DPP10: variants seen among roughly 807,000 people sequenced by gnomAD.
DPP10 encodes inactive dipeptidyl peptidase 10.
In DPP10, 33 loss-of-function variants were observed where a neutral mutation model predicts 120.9. The observed-to-expected ratio is 0.27, with a 90% CI of 0.21 to 0.37. DPP10 has a LOEUF of 0.37. DPP10 is among the 10% of genes least tolerant of loss of function. DPP10 has a pLI of 1.00. For missense variants in DPP10, 816 were observed against 942.8 expected, an observed-to-expected ratio of 0.87 and a Z score of 1.76; for synonymous variants, 337 against 326.1, an observed-to-expected ratio of 1.03 and a Z score of -0.36.
intron 1 of DPP10, among the ~76,000 whole-genome samples, chr2:114,960,366 G>GTA (rs149462158): frequency 0.27 from 38,102 of 143,550 alleles, 4,951 homozygotes; most frequent in East Asian, 0.34. Flanking sequence ...GTGTATGTGC[G>GTA]TATATATATA....
intron 5 of DPP10, among the ~76,000 whole-genome samples, chr2:115,651,548 G>A (rs897476029): frequency 6.6e-6 from 1 of 152,036 alleles, no homozygotes; most frequent in African/African-American, 2.4e-5. Context: ...CTAATCATTA[G>A]GAATGGCTTA....
chr2:115,395,369 G>C (rs779686917), intron 3 of DPP10, among the ~76,000 whole-genome samples: 9 of 152,132 alleles, frequency 5.9e-5, no homozygotes, highest in Non-Finnish European at 1.3e-4. Flanking sequence ...TCTCTTTAAA[G>C]ATTCTGTCTC....
chr2:114,731,158 G>A (rs571044399), intron 1 of DPP10, among the ~76,000 whole-genome samples: 27 of 151,588 alleles, frequency 1.8e-4, no homozygotes, highest in African/African-American at 6.5e-4. Context: ...ACTCCTGGAC[G>A]GTATGTACTC....
intron 1 of DPP10, among the ~76,000 whole-genome samples, chr2:114,809,462 A>G (rs923191656): frequency 6.6e-6 from 1 of 152,214 alleles, no homozygotes; most frequent in Non-Finnish European, 1.5e-5. Context: ...AAGCTTCGAT[A>G]AAAGTAGTCG....
At chr2:115,252,298 G>T (rs1322573877) in intron 1 of DPP10, among the ~76,000 whole-genome samples, 1 of 152,126 alleles carries the variant, frequency 6.6e-6, no homozygotes, top group Non-Finnish European at 1.5e-5. Context: ...ACTCATCCCT[G>T]TCCCTTCAAC....
chr2:115,549,195 C>G (rs957833501), intron 5 of DPP10, among the ~76,000 whole-genome samples: 1 of 152,150 alleles, frequency 6.6e-6, no homozygotes, highest in Non-Finnish European at 1.5e-5. Flanking sequence ...CCAGTGCCTT[C>G]TGTTAAATAA....
chr2:115,081,235 A>G (rs1483015107), intron 1 of DPP10, among the ~76,000 whole-genome samples: 1 of 152,108 alleles, frequency 6.6e-6, no homozygotes, highest in Non-Finnish European at 1.5e-5. Context: ...TCTCCTCTCC[A>G]TCTGGGACTC....
chr2:114,565,450 GCTACT>G, intron 1 of DPP10, among the ~76,000 whole-genome samples: 1 of 152,298 alleles, frequency 6.6e-6, no homozygotes, highest in South Asian at 2.1e-4. Flanking sequence ...ATGGTGACAA[GCTACT>G]CTCTGGATAA....
At chr2:114,454,012 G>T (rs150164418) in intron 1 of DPP10, among the ~76,000 whole-genome samples, 2 of 152,248 alleles carry the variant, frequency 1.3e-5, no homozygotes, top group Non-Finnish European at 2.9e-5. Context: ...GCAAGGAAAA[G>T]TAAGTCATTG....
intron 1 of DPP10, among the ~76,000 whole-genome samples, chr2:114,861,367 C>T (rs967006415): frequency 4.6e-5 from 7 of 152,214 alleles, no homozygotes; most frequent in African/African-American, 1.7e-4. Flanking sequence ...CAGCAGTCTA[C>T]ACCATGAAGA....
intron 1 of DPP10, among the ~76,000 whole-genome samples, chr2:114,568,699 C>T (rs898520139): frequency 1.3e-4 from 20 of 152,172 alleles, no homozygotes; most frequent in African/African-American, 3.4e-4. Flanking sequence ...TAAGTAAACG[C>T]GATCATATTT....
chr2:114,849,436 A>G (rs1053819274), intron 1 of DPP10, among the ~76,000 whole-genome samples: 3 of 152,068 alleles, frequency 2.0e-5, no homozygotes, highest in African/African-American at 7.2e-5. Flanking sequence ...GGCAGCCTCA[A>G]CCTCCTGGGC....
chr2:114,909,611 G>GA (rs1159986199), intron 1 of DPP10, among the ~76,000 whole-genome samples: 3 of 152,050 alleles, frequency 2.0e-5, no homozygotes, highest in South Asian at 4.1e-4. Flanking sequence ...GAGTAAAGTA[G>GA]AAAAAAACTA....
chr2:115,064,542 G>C, intron 1 of DPP10: 1 of 695,134 alleles, frequency 1.4e-6, no homozygotes, highest in Non-Finnish European at 2.0e-6. Flanking sequence ...CTGATAGGGG[G>C]TTAATTCTGC....
chr2:114,747,514 A>G (rs1182159607), intron 1 of DPP10, among the ~76,000 whole-genome samples: 1 of 152,248 alleles, frequency 6.6e-6, no homozygotes, highest in Non-Finnish European at 1.5e-5. Flanking sequence ...ATACACATGT[A>G]TGTATGGCAT....
intron 1 of DPP10, among the ~76,000 whole-genome samples, chr2:115,055,346 T>C (rs7601518): frequency 6.6e-6 from 1 of 151,994 alleles, no homozygotes; most frequent in Non-Finnish European, 1.5e-5. Flanking sequence ...TAATAAAACT[T>C]ACTCCAAAGA....
chr2:115,179,164 A>G (rs1206196998), intron 1 of DPP10, among the ~76,000 whole-genome samples: 1 of 152,204 alleles, frequency 6.6e-6, no homozygotes, highest in Non-Finnish European at 1.5e-5. Flanking sequence ...TTATTGAAAT[A>G]TTCTGAAACA....
chr2:114,785,225 A>C (rs992924115), intron 1 of DPP10, among the ~76,000 whole-genome samples: 9 of 151,168 alleles, frequency 6.0e-5, no homozygotes, highest in Non-Finnish European at 1.2e-4. Flanking sequence ...GGCAGAGGCG[A>C]TGAGAATAGG....
chr2:115,017,456 G>T (rs1558997084), intron 1 of DPP10, among the ~76,000 whole-genome samples: 1 of 152,014 alleles, frequency 6.6e-6, no homozygotes, highest in African/African-American at 2.4e-5. Context: ...AATTCCTCAG[G>T]GATCTAGAAC....
Sources: allele counts gnomAD v4.1 joint callset (sites outside exome capture counted in the v4.1 genomes callset), GRCh38; gene constraint gnomAD v4.1.1; transcripts MANE v1.5; gene names NCBI Gene and HGNC (gene_info 2026-07-23, HGNC 2026-07-21).